Variants in UNC13C observed in about 807,000 individuals in gnomAD.
UNC13C encodes unc-13 homolog C, also known as protein unc-13 homolog C.
Under a neutral mutation model 245.4 loss-of-function variants are expected in UNC13C, and 174 were observed. That is an observed-to-expected ratio of 0.71 (90% CI 0.63 to 0.80). The LOEUF (loss-of-function observed/expected upper bound fraction) is 0.80, where lower values mean the gene tolerates loss of function less well. Ranked by LOEUF, UNC13C falls within the 30% of genes least tolerant of loss-of-function variation. The probability of loss-of-function intolerance (pLI) is 0.00; values close to 1 mark genes in which losing one functional copy is unlikely to be tolerated. For missense variants in UNC13C, 2,829 were observed against 2,602.9 expected, an observed-to-expected ratio of 1.09 and a Z score of -1.89; for synonymous variants, 992 against 895.1, an observed-to-expected ratio of 1.11 and a Z score of -1.93.
intron 4 of UNC13C, among the ~76,000 whole-genome samples, chr15:54,217,120 A>G (rs895065298): frequency 1.3e-5 from 2 of 152,010 alleles, no homozygotes; most frequent in African/African-American, 4.8e-5. Flanking sequence ...TTATTCTTTG[A>G]AGTTTATTTC....
rs1435434437 is a variant in UNC13C at position 54,567,828 on chromosome 15, T to G, written c.5987T>G (p.Leu1996Arg). The G allele has an allele frequency of 1.0e-5, 16 of 1,604,662 alleles. No individual in the cohort carries two copies. The highest frequency in any genetic ancestry group is 1.4e-5 in the Non-Finnish European group (16 of 1,174,936). The change falls in exon 30 of 33, where the codon CTG becomes CGG. Residue 1996 changes from leucine (L) to arginine (R), a missense_variant. Leu to Arg is a moderately radical substitution (Grantham distance 102). Transcript: ENST00000260323. ...TACTTTCATGCAGGAGGAAATGGCC[T>G]GAAAAAGAATTTCTTGGAGAAAAGC... ...KQYFHAGGNGLKKNFLEKSPD... is the reference protein window; with the variant it reads ...KQYFHAGGNGRKKNFLEKSPD...
chr15:54,452,483 G>A (rs1442042928), intron 19 of UNC13C, among the ~76,000 whole-genome samples: 4 of 152,186 alleles, frequency 2.6e-5, no homozygotes, highest in Non-Finnish European at 5.9e-5. Flanking sequence ...CAGCAGGCTG[G>A]ATGGGCCCAT....
intron 2 of UNC13C, among the ~76,000 whole-genome samples, chr15:54,027,570 C>T (rs996926082): frequency 1.3e-5 from 2 of 152,030 alleles, no homozygotes; most frequent in African/African-American, 2.4e-5. Context: ...GGGGTTTTAT[C>T]ATGTTGGCCA....
chr15:54,312,910 AG>A (rs1255607816), intron 13 of UNC13C, among the ~76,000 whole-genome samples: 2 of 151,834 alleles, frequency 1.3e-5, no homozygotes, highest in Non-Finnish European at 2.9e-5. Context: ...GCCTAAAGTT[AG>A]AAAAAGTTCC....
At chr15:54,337,667 G>A (rs910123490) in intron 16 of UNC13C, among the ~76,000 whole-genome samples, 5 of 152,000 alleles carry the variant, frequency 3.3e-5, no homozygotes, top group African/African-American at 9.7e-5. Flanking sequence ...AAATTGTAAC[G>A]CTGTTCTCAT....
intron 18 of UNC13C, among the ~76,000 whole-genome samples, chr15:54,401,745 G>A (rs777012037): frequency 2.6e-4 from 39 of 152,036 alleles, no homozygotes; most frequent in Non-Finnish European, 5.3e-4. Context: ...GTCGTTCAAC[G>A]CACTCTTCAG....
chr15:54,362,173 C>A (rs1384365289), intron 17 of UNC13C, among the ~76,000 whole-genome samples: 1 of 152,168 alleles, frequency 6.6e-6, no homozygotes, highest in Non-Finnish European at 1.5e-5. Context: ...TACTCTTTAT[C>A]CAATTTACCC....
chr15:54,416,108 G>C (rs530169214), intron 19 of UNC13C, among the ~76,000 whole-genome samples: 1 of 152,304 alleles, frequency 6.6e-6, no homozygotes, highest in East Asian at 1.9e-4. Flanking sequence ...GGGACCAGCA[G>C]ACAGGGCCTT....
chr15:53,874,981 T>C, the UNC13C span, among the ~76,000 whole-genome samples: 1 of 152,056 alleles, frequency 6.6e-6, no homozygotes, highest in South Asian at 2.1e-4. Flanking sequence ...GAATCCCAGC[T>C]ACTTGAGAGG....
At chr15:54,016,680 A>C (rs1192773232) in intron 2 of UNC13C, among the ~76,000 whole-genome samples, 1 of 152,222 alleles carries the variant, frequency 6.6e-6, no homozygotes, top group Non-Finnish European at 1.5e-5. Context: ...TTATATGTAA[A>C]TGTAAGAGTT....
At chr15:54,590,686 T>C (rs1406800847) in intron 30 of UNC13C, among the ~76,000 whole-genome samples, 1 of 152,238 alleles carries the variant, frequency 6.6e-6, no homozygotes, top group Non-Finnish European at 1.5e-5. Context: ...TTGTATGCGC[T>C]TTCTGGAGGA....
intron 10 of UNC13C, among the ~76,000 whole-genome samples, chr15:54,278,205 G>A (rs1370582054): frequency 6.6e-6 from 1 of 151,958 alleles, no homozygotes; most frequent in African/African-American, 2.4e-5. Context: ...CCACTTTTTA[G>A]AAATCTTACC....
intron 30 of UNC13C, among the ~76,000 whole-genome samples, chr15:54,571,396 A>G (rs1322275841): frequency 6.6e-6 from 1 of 151,966 alleles, no homozygotes; most frequent in African/African-American, 2.4e-5. Flanking sequence ...GGAAAAACCC[A>G]CCCCTGTGAT....
chr15:54,241,345 A>G (rs116423126), intron 7 of UNC13C, among the ~76,000 whole-genome samples: 4,619 of 152,182 alleles, frequency 0.03, 241 homozygotes, highest in African/African-American at 0.1. Context: ...CCGGAGCCCT[A>G]TTTCTAGTAT....
At chr15:54,125,001 A>G (rs2030938960) in intron 2 of UNC13C, among the ~76,000 whole-genome samples, 1 of 152,326 alleles carries the variant, frequency 6.6e-6, no homozygotes. Context: ...TCTAAATGCC[A>G]TTCCATTTAC....
chr15:54,143,624 G>A lies in UNC13C; in HGVS notation c.3011G>A (p.Arg1004Gln), dbSNP rs73405642. 5.4e-4 allele frequency: 875 copies of A among 1,612,942 alleles called. 7 individuals carry two copies. The African/African-American group carries it at 0.01, about 19-fold the overall frequency. The stretch of plus-strand genomic sequence containing the variant: ...TTCTCTTACTCTTCATTTAAGGCTC[G>A]AATAGTAAGTGGCAATGATTTGGAT... ...GDSSSVDEKA[R>Q]IVSGNDLDAS... The change falls in exon 4 of 33, where the codon CGA becomes CAA. Residue 1004 changes from arginine (R) to glutamine (Q), a missense_variant. Arg to Gln is a conservative substitution (Grantham distance 43, BLOSUM62 1). Transcript: ENST00000260323.
chr15:53,949,093 A>G, the UNC13C span, among the ~76,000 whole-genome samples: 1 of 152,352 alleles, frequency 6.6e-6, no homozygotes, highest in African/African-American at 2.4e-5. Flanking sequence ...CAGAAAATAG[A>G]TAAGCAATTA....
At chr15:53,935,134 T>C in the UNC13C span, among the ~76,000 whole-genome samples, 1 of 146,758 alleles carries the variant, frequency 6.8e-6, no homozygotes, top group African/African-American at 2.5e-5. Context: ...TTCTTTTTCT[T>C]AATTACTTTT....
intron 1 of UNC13C, among the ~76,000 whole-genome samples, chr15:53,994,274 C>A: frequency 6.6e-6 from 1 of 151,600 alleles, no homozygotes; most frequent in East Asian, 1.9e-4. Context: ...ATGGAACGTA[C>A]TCTATCTTTG....
Sources: gnomAD v4.1 joint callset for allele counts (sites outside exome capture counted in the v4.1 genomes callset) on GRCh38, gnomAD v4.1.1 for gene constraint, MANE v1.5 for transcripts, NCBI Gene and HGNC (gene_info 2026-07-23, HGNC 2026-07-21) for gene names.